The following CSMD1 variants were observed in gnomAD, a reference collection of about 807,000 sequenced individuals.
CSMD1 encodes CUB and Sushi multiple domains 1.
Under a neutral mutation model 417.5 loss-of-function variants are expected in CSMD1, and 213 were observed. That is an observed-to-expected ratio of 0.51 (90% confidence interval 0.46 to 0.57). The LOEUF is 0.57. CSMD1 is among the 20% of genes least tolerant of loss of function. CSMD1 has a pLI of 0.00. For synonymous variants in CSMD1, 2,862 were observed against 1,736.8 expected (o/e 1.65, Z -16.11); for missense variants, 6,923 against 4,529.7 (o/e 1.53, Z -15.17).
intron 3 of CSMD1, among the ~76,000 whole-genome samples, chr8:4,165,731 C>G (rs1184726356): frequency 6.6e-6 from 1 of 152,194 alleles, no homozygotes; most frequent in Non-Finnish European, 1.5e-5. Context: ...CAAGTTTAAT[C>G]ACTAAGCATC....
chr8:4,109,509 T>C (rs761852111), intron 3 of CSMD1, among the ~76,000 whole-genome samples: 1 of 152,166 alleles, frequency 6.6e-6, no homozygotes, highest in Non-Finnish European at 1.5e-5. Flanking sequence ...CATGAATAAG[T>C]AGACTTATTG....
At chr8:3,256,985 G>A (rs1800700625) in intron 26 of CSMD1, among the ~76,000 whole-genome samples, 1 of 152,168 alleles carries the variant, frequency 6.6e-6, no homozygotes, top group Admixed American at 6.5e-5. Flanking sequence ...ATATTTGTAA[G>A]AGAATTTTCA....
At chr8:3,543,981 G>C (rs1243210020) in intron 10 of CSMD1, among the ~76,000 whole-genome samples, 1 of 152,148 alleles carries the variant, frequency 6.6e-6, no homozygotes, top group Non-Finnish European at 1.5e-5. Flanking sequence ...GAAAGAGTCA[G>C]ATAGGAAGGG....
intron 5 of CSMD1, among the ~76,000 whole-genome samples, chr8:3,825,731 G>T (rs1466174231): frequency 6.6e-6 from 1 of 152,114 alleles, no homozygotes; most frequent in Non-Finnish European, 1.5e-5. Flanking sequence ...TTCCACTGAA[G>T]CAACAAGGAG....
intron 2 of CSMD1, among the ~76,000 whole-genome samples, chr8:4,594,055 T>C (rs1382346549): frequency 6.6e-6 from 1 of 152,044 alleles, no homozygotes; most frequent in Non-Finnish European, 1.5e-5. Context: ...ATCATCAGTC[T>C]CCTCCATCTT....
At chr8:3,976,629 C>G (rs868199099) in intron 5 of CSMD1, among the ~76,000 whole-genome samples, 16 of 152,158 alleles carry the variant, frequency 1.1e-4, no homozygotes, top group Non-Finnish European at 8.8e-5. Context: ...CAATGCAACC[C>G]TATGACCACC....
At chr8:4,226,039 T>C (rs1461007972) in intron 3 of CSMD1, among the ~76,000 whole-genome samples, 1 of 150,578 alleles carries the variant, frequency 6.6e-6, no homozygotes, top group Non-Finnish European at 1.5e-5. Context: ...CCTACTCAAG[T>C]AAGCTGGAAG....
intron 1 of CSMD1, among the ~76,000 whole-genome samples, chr8:4,766,434 A>T (rs1363914492): frequency 6.6e-6 from 1 of 152,240 alleles, no homozygotes; most frequent in South Asian, 2.1e-4. Context: ...TCGATCACGA[A>T]TATATACAGA....
intron 3 of CSMD1, among the ~76,000 whole-genome samples, chr8:4,142,976 G>C (rs1424015222): frequency 1.4e-5 from 2 of 142,480 alleles, no homozygotes; most frequent in Non-Finnish European, 3.0e-5. Flanking sequence ...CAGATGCTTA[G>C]TTTTCAAACT....
At chr8:3,674,027 G>A (rs962504462) in intron 7 of CSMD1, among the ~76,000 whole-genome samples, 5 of 152,112 alleles carry the variant, frequency 3.3e-5, no homozygotes, top group African/African-American at 9.7e-5. Flanking sequence ...AATAACTTGA[G>A]CCTGGGAGGC....
At chr8:4,018,122 A>G (rs182515865) in intron 4 of CSMD1, among the ~76,000 whole-genome samples, 54 of 152,334 alleles carry the variant, frequency 3.5e-4, no homozygotes, top group African/African-American at 1.3e-3. Context: ...TATCCTACAA[A>G]GTGTTTTGTG....
At chr8:3,366,424 A>G (rs1347063987) in intron 20 of CSMD1, among the ~76,000 whole-genome samples, 12 of 152,222 alleles carry the variant, frequency 7.9e-5, no homozygotes, top group Non-Finnish European at 1.5e-5. Context: ...TATACAAATT[A>G]AACAATCTAA....
rs894289497 is a variant in CSMD1, at chr8:4,197,146, G to A, written c.416-165047C>T. On this transcript the variant is annotated intron_variant, in intron 3 of 69. Coordinates refer to ENST00000635120, the MANE Select transcript of CSMD1 (RefSeq NM_033225.6). ...GCAGTTCCCAGACAAACTACAACAA[G>A]GTTATCACCTGTTCTCCTACGGTCA... 2.6e-5 allele frequency among the ~76,000 whole-genome samples: 4 copies of A among 152,120 alleles called. No homozygotes were observed. In the South Asian group the frequency reaches 6.2e-4, roughly 24 times the overall value.
intron 5 of CSMD1, among the ~76,000 whole-genome samples, chr8:3,759,096 A>T (rs1797841485): frequency 1.3e-5 from 2 of 152,338 alleles, no homozygotes; most frequent in South Asian, 4.1e-4. Context: ...TGAGATTTCT[A>T]ATCTATTTAC....
chr8:4,049,149 G>A (rs928055726), intron 3 of CSMD1, among the ~76,000 whole-genome samples: 5 of 151,740 alleles, frequency 3.3e-5, no homozygotes, highest in Non-Finnish European at 7.4e-5. Flanking sequence ...TTATTCTTCT[G>A]TTGAACTTTA....
chr8:3,870,201 A>C (rs1805384288), intron 5 of CSMD1, among the ~76,000 whole-genome samples: 1 of 152,206 alleles, frequency 6.6e-6, no homozygotes, highest in Non-Finnish European at 1.5e-5. Flanking sequence ...CAAGAAGAAA[A>C]TGTCAACCAT....
intron 3 of CSMD1, among the ~76,000 whole-genome samples, chr8:4,141,595 A>G (rs34825041): frequency 0.3 from 45,307 of 150,874 alleles, 8,469 homozygotes; most frequent in Non-Finnish European, 0.39. Context: ...GTACTAAGAA[A>G]TGGAGTTGTA....
intron 36 of CSMD1, among the ~76,000 whole-genome samples, chr8:3,187,625 T>G (rs1198003843): frequency 2.6e-5 from 4 of 152,218 alleles, no homozygotes; most frequent in African/African-American, 9.6e-5. Flanking sequence ...ACCTGCCGCA[T>G]GTCAAAGCTC....
At chr8:4,112,566 C>G (rs1320934461) in intron 3 of CSMD1, among the ~76,000 whole-genome samples, 2 of 152,142 alleles carry the variant, frequency 1.3e-5, no homozygotes, top group Non-Finnish European at 1.5e-5. Context: ...TCTGTTCCCT[C>G]TTCTGGGGAG....
Sources: gnomAD v4.1 joint callset for allele counts (sites outside exome capture counted in the v4.1 genomes callset) on GRCh38, gnomAD v4.1.1 for gene constraint, MANE v1.5 for transcripts, NCBI Gene and HGNC (gene_info 2026-07-23, HGNC 2026-07-21) for gene names.